The following ADCYAP1R1 variants were observed in gnomAD, a reference collection of about 807,000 sequenced individuals.
ADCYAP1R1 encodes pituitary adenylate cyclase-activating polypeptide type I receptor.
In ADCYAP1R1, 44 loss-of-function variants were observed where a neutral mutation model predicts 67.6. The ratio of observed to expected loss-of-function variants is 0.65; its 90% CI spans 0.51 to 0.84. ADCYAP1R1 has a LOEUF of 0.84. Among genes scored for constraint, ADCYAP1R1 ranks in the 40% least tolerant of loss-of-function variants. The pLI, the probability that ADCYAP1R1 is intolerant of heterozygous loss-of-function variation, is 0.00. For synonymous variants in ADCYAP1R1, 222 were observed against 219.6 expected (o/e 1.01, Z -0.10); for missense variants, 477 against 587.9 (o/e 0.81, Z 1.95).
intron 13 of ADCYAP1R1, among the ~76,000 whole-genome samples, chr7:31,093,445 T>G (rs1348771062): frequency 1.3e-5 from 2 of 152,178 alleles, no homozygotes; most frequent in African/African-American, 4.8e-5. Flanking sequence ...TTGCCTGCCC[T>G]TTCCCATTTC....
At chr7:31,069,116 A>G (rs1199641507) in intron 3 of ADCYAP1R1, among the ~76,000 whole-genome samples, 3 of 152,144 alleles carry the variant, frequency 2.0e-5, no homozygotes, top group Admixed American at 2.0e-4. Flanking sequence ...AGGTGATTCT[A>G]AAGTGTACCC....
rs988324161 is a variant in ADCYAP1R1, at chr7:31,109,424, C to T, written c.*2740C>T. The stretch of plus-strand genomic sequence containing the variant: ...ATGCATCTCTGGAACTCTGTCTAAA[C>T]ACCAGCCATCTACTTGGAATGGGCC... On this transcript the variant is annotated 3_prime_UTR_variant, in exon 16 of 16. Transcript: ENST00000304166. 1 of 152,206 alleles carries T rather than the reference C, an allele frequency of 6.6e-6. No individual in the cohort carries two copies. The highest frequency in any genetic ancestry group is 2.4e-5 in the African/African-American group (1 of 41,440). The allele number at this position is 152,206 out of a possible 1,614,324, so 9.4% of individuals were successfully genotyped here.
At chr7:31,063,454 A>G (rs1411669851) in intron 2 of ADCYAP1R1, 139 bp downstream of exon 2, 2 of 869,106 alleles carry the variant, frequency 2.3e-6, no homozygotes, top group African/African-American at 1.7e-5. Flanking sequence ...TGGGCCACCC[A>G]GTGCCTTTGT....
chr7:31,080,363 G>C (rs1454745698), intron 4 of ADCYAP1R1, among the ~76,000 whole-genome samples: 2 of 152,164 alleles, frequency 1.3e-5, no homozygotes, highest in East Asian at 1.9e-4. Flanking sequence ...ATATTGGAGA[G>C]ACTGGAGATG....
intron 3 of ADCYAP1R1, among the ~76,000 whole-genome samples, chr7:31,077,593 ATG>A (rs1795317249): frequency 1.7e-5 from 2 of 121,170 alleles, no homozygotes; most frequent in African/African-American, 3.3e-5. Flanking sequence ...TGTGTGTGTG[ATG>A]TGTGTGTTGT....
chr7:31,091,875 A>G (rs1472480997), intron 12 of ADCYAP1R1, among the ~76,000 whole-genome samples: 3 of 151,756 alleles, frequency 2.0e-5, no homozygotes, highest in Non-Finnish European at 2.9e-5. Flanking sequence ...TTTCTTTCTG[A>G]TAATTTTTTA....
At chr7:31,090,370 A>G (rs1183712067) in intron 12 of ADCYAP1R1, among the ~76,000 whole-genome samples, 1 of 152,206 alleles carries the variant, frequency 6.6e-6, no homozygotes, top group Admixed American at 6.5e-5. Context: ...TACAGTTAGC[A>G]GTATTACTAA....
chr7:31,085,471 C>T, intron 9 of ADCYAP1R1, 29 bp downstream of exon 9: 3 of 1,604,994 alleles, frequency 1.9e-6, no homozygotes, highest in Non-Finnish European at 2.5e-6. Context: ...CCCATTAGGG[C>T]TCTGCCGGGA....
rs59689820 is a variant in ADCYAP1R1, at chr7:31,086,844, C to T, written c.824-99C>T. 2.4e-4 allele frequency: 308 copies of T among 1,292,392 alleles called. No individual in the cohort carries two copies. The African/African-American group carries it at 4.3e-3, about 18-fold the overall frequency. 80.1% of individuals were successfully genotyped at this position (1,292,392 alleles called of 1,614,324 possible). ...TAGAATTCCCAGGAATTCCAAGTCT[C>T]ATGGGGGAGCAATAGCCTCTCGGAG... On this transcript the variant is annotated intron_variant, in intron 10 of 15. Transcript: ENST00000304166. The surrounding 1 kb of genome is among the most constrained non-coding windows in gnomAD (Gnocchi z 5.0).
intron 4 of ADCYAP1R1, among the ~76,000 whole-genome samples, chr7:31,079,667 G>T (rs1252286615): frequency 6.6e-6 from 1 of 152,248 alleles, no homozygotes; most frequent in Non-Finnish European, 1.5e-5. Context: ...AGTGGCCTGT[G>T]TTGGGGGTCC....
chr7:31,064,510 CAT>C (rs1022816324), intron 2 of ADCYAP1R1, among the ~76,000 whole-genome samples: 3 of 152,184 alleles, frequency 2.0e-5, no homozygotes, highest in Non-Finnish European at 2.9e-5. Flanking sequence ...CACACACACA[CAT>C]ATGACACTCA....
At chr7:31,059,802 T>C (rs1296201312) in intron 1 of ADCYAP1R1, among the ~76,000 whole-genome samples, 1 of 151,816 alleles carries the variant, frequency 6.6e-6, no homozygotes. Flanking sequence ...CTGAAAGGAT[T>C]ACCGCCCAGA....
At chr7:31,077,731 ATG>A (rs1304828211) in intron 3 of ADCYAP1R1, among the ~76,000 whole-genome samples, 1 of 122,362 alleles carries the variant, frequency 8.2e-6, no homozygotes, top group African/African-American at 3.3e-5. Context: ...TGTGTGGTGT[ATG>A]TGTGATGTAT....
rs538406422 is a variant in ADCYAP1R1 at position 31,099,538 on chromosome 7, A to G, written c.1047-3699A>G. 4.6e-5 allele frequency among the ~76,000 whole-genome samples: 7 copies of G among 152,264 alleles called. No homozygotes were observed. In the East Asian group the frequency reaches 1.4e-3, roughly 29 times the overall value. ...TCAATCTGACTTACCTCTGTCCCCTATGTATGTGCTGATTCTGAGTTGCTG... is the reference window on the plus strand; with the variant it reads ...TCAATCTGACTTACCTCTGTCCCCTGTGTATGTGCTGATTCTGAGTTGCTG... On this transcript the variant is annotated intron_variant, in intron 13 of 15. Transcript: ENST00000304166.
At chr7:31,106,387 G>C (rs949826848) in intron 15 of ADCYAP1R1, 109 bp from the exon 16 acceptor site, 1 of 1,314,462 alleles carries the variant, frequency 7.6e-7, no homozygotes, top group South Asian at 1.5e-5. Flanking sequence ...GAGTGGGGAG[G>C]GTGCTGAGGG....
At chr7:31,084,565 A>G (rs975829753) in intron 7 of ADCYAP1R1, among the ~76,000 whole-genome samples, 172 bp from the exon 8 acceptor site, 5 of 152,198 alleles carry the variant, frequency 3.3e-5, no homozygotes, top group Non-Finnish European at 5.9e-5. Context: ...GGGGACCAAG[A>G]GGCTTGGCCA....
rs754166783 is a variant in ADCYAP1R1, at chr7:31,064,814, C to T, written c.52-17C>T. 3.1e-6 allele frequency: 5 copies of T among 1,597,700 alleles called. No individual in the cohort carries two copies. The South Asian group carries it at 4.5e-5, about 14-fold the overall frequency. On this transcript the variant is annotated splice_polypyrimidine_tract_variant and intron_variant, in intron 2 of 15. Transcript: ENST00000304166. The stretch of plus-strand genomic sequence containing the variant: ...CCTCCTACCCGCTCCCACCATCCAT[C>T]CTGTGTTCTCCTACAGGCCCCTGCC...
intron 1 of ADCYAP1R1, among the ~76,000 whole-genome samples, chr7:31,062,184 G>A (rs373724306): frequency 3.9e-5 from 6 of 152,230 alleles, no homozygotes; most frequent in East Asian, 1.9e-4. Context: ...GGTATATGTC[G>A]TAATGATCAA....
intron 3 of ADCYAP1R1, among the ~76,000 whole-genome samples, chr7:31,066,675 A>G (rs1227215729): frequency 6.6e-6 from 1 of 152,150 alleles, no homozygotes; most frequent in Non-Finnish European, 1.5e-5. Context: ...AATCCAAACC[A>G]ATTAAATCAG....
Sources: gnomAD v4.1 joint callset for allele counts (sites outside exome capture counted in the v4.1 genomes callset) on GRCh38, gnomAD v4.1.1 for gene constraint, Gnocchi (gnomAD v3.1) non-coding constraint, MANE v1.5 for transcripts, NCBI Gene and HGNC (gene_info 2026-07-23, HGNC 2026-07-21) for gene names.